Variants in PSG2 observed in about 807,000 individuals in gnomAD.
The protein encoded by PSG2 is pregnancy specific beta-1-glycoprotein 2.
Under a neutral mutation model 36.2 loss-of-function variants are expected in PSG2, and 49 were observed. That is an observed-to-expected ratio of 1.35 (90% CI 1.08 to 1.72). The LOEUF is 1.72. PSG2 is among the 40% of genes most tolerant of loss of function. PSG2 has a pLI of 0.00. For missense variants in PSG2, 605 were observed against 407.2 expected (o/e 1.49, Z -4.18); for synonymous variants, 261 against 155.6 (o/e 1.68, Z -5.04).
At chr19:43,070,240 C>T (rs971186608) in intron 4 of PSG2, among the ~76,000 whole-genome samples, 1 of 151,612 alleles carries the variant, frequency 6.6e-6, no homozygotes, top group Non-Finnish European at 1.5e-5. Context: ...AGCTCTAGTG[C>T]ATTGCTGATG....
intron 4 of PSG2, among the ~76,000 whole-genome samples, chr19:43,070,041 T>C (rs1175171006): frequency 1.3e-5 from 2 of 151,678 alleles, no homozygotes; most frequent in Non-Finnish European, 2.9e-5. Flanking sequence ...AAATGGAGTT[T>C]TCTCCAAGGA....
intron 3 of PSG2, among the ~76,000 whole-genome samples, chr19:43,072,869 G>C (rs970148270): frequency 6.6e-6 from 1 of 151,650 alleles, no homozygotes; most frequent in Non-Finnish European, 1.5e-5. Flanking sequence ...CAGCAGTGTT[G>C]GGTCATGGAC....
chr19:43,073,409 A>T (rs1785923519), intron 3 of PSG2, among the ~76,000 whole-genome samples: 1 of 151,738 alleles, frequency 6.6e-6, no homozygotes, highest in African/African-American at 2.4e-5. Context: ...GGTGAGGACC[A>T]TGTGGATCTT....
Position 43,082,649 on chromosome 19 carries a change from G to T in PSG2, c.-80C>A. 11 of 1,572,282 alleles carry T rather than the reference G, an allele frequency of 7.0e-6. No individual in the cohort carries two copies. The highest frequency in any genetic ancestry group is 8.7e-6 in the Non-Finnish European group (10 of 1,150,420). On this transcript the variant is annotated 5_prime_UTR_variant, in exon 1 of 6. Transcript: ENST00000406487. ...CTTCCTGAGCACGGCTGTCAGCTGT[G>T]CTGTCCTTCCTCCTTCTGCACTGAG...
At chr19:43,074,950 C>G (rs1049144399) in intron 3 of PSG2, among the ~76,000 whole-genome samples, 1 of 151,520 alleles carries the variant, frequency 6.6e-6, no homozygotes, top group Non-Finnish European at 1.5e-5. Context: ...GGCATCCAGG[C>G]CATCTGGAGC....
chr19:43,071,666 A>C (rs1967817595), intron 4 of PSG2, 34 bp downstream of exon 4: 1 of 1,612,604 alleles, frequency 6.2e-7, no homozygotes, highest in Non-Finnish European at 8.5e-7. Context: ...CTCCACCTAA[A>C]ACCCTACTGC....
At chr19:43,072,076 C>T in intron 3 of PSG2, 122 bp from the exon 4 acceptor site, 1 of 1,441,098 alleles carries the variant, frequency 6.9e-7, no homozygotes, top group Non-Finnish European at 9.4e-7. Flanking sequence ...AGCAAAACCC[C>T]CTCTATGTTC....
intron 4 of PSG2, among the ~76,000 whole-genome samples, chr19:43,071,190 A>G (rs8112185): frequency 0.76 from 115,345 of 151,324 alleles, 44,933 homozygotes; most frequent in East Asian, 0.99. Context: ...GTGGAGTCAA[A>G]CAGGGCCAGT....
intron 4 of PSG2, among the ~76,000 whole-genome samples, chr19:43,070,168 TAAAC>T (rs748237738): frequency 6.6e-6 from 1 of 151,520 alleles, no homozygotes; most frequent in Non-Finnish European, 1.5e-5. Context: ...ATGGCTTTGA[TAAAC>T]AACAACAATG....
chr19:43,075,654 G>T (rs752553773), intron 2 of PSG2, 22 bp from the exon 3 acceptor site: 3 of 1,603,868 alleles, frequency 1.9e-6, no homozygotes, highest in Non-Finnish European at 2.6e-6. Flanking sequence ...ACAGAGAGAA[G>T]ATTGCCCTGT....
At chr19:43,071,147 G>A (rs1599706078) in intron 4 of PSG2, among the ~76,000 whole-genome samples, 1 of 151,466 alleles carries the variant, frequency 6.6e-6, no homozygotes. Context: ...GTCCACAAGG[G>A]GTCTTTCTCC....
chr19:43,072,419 G>A, intron 3 of PSG2: 3 of 1,612,438 alleles, frequency 1.9e-6, no homozygotes, highest in Non-Finnish European at 1.7e-6. Context: ...ACATTCATAG[G>A]GTCCTGTTTC....
At chr19:43,075,200 T>C (rs866017538) in intron 3 of PSG2, among the ~76,000 whole-genome samples, 154 bp downstream of exon 3, 17 of 151,756 alleles carry the variant, frequency 1.1e-4, no homozygotes, top group East Asian at 5.8e-4. Context: ...CCTAGGCCTA[T>C]TCTGGTTTGC....
chr19:43,068,467 AAAGAAAG>A (rs1210928555), intron 4 of PSG2, among the ~76,000 whole-genome samples: 13,146 of 134,060 alleles, frequency 0.098, 661 homozygotes, highest in African/African-American at 0.17. Flanking sequence ...AAAAAAAAAA[AAAGAAAG>A]AAAGAAAGAA....
intron 2 of PSG2, among the ~76,000 whole-genome samples, chr19:43,078,511 C>T (rs1337820902): frequency 6.6e-6 from 1 of 151,648 alleles, no homozygotes; most frequent in Non-Finnish European, 1.5e-5. Context: ...CTGACCTCAT[C>T]CATACCTATG....
rs770967454 is a variant in PSG2 at position 43,066,713 on chromosome 19, A to G, written c.965-113T>C. The G allele has an allele frequency of 1.9e-4, 266 of 1,380,520 alleles. 2 individuals are homozygous for G. The highest frequency in any genetic ancestry group is 2.3e-4 in the Non-Finnish European group (234 of 995,810). 85.5% of individuals were successfully genotyped at this position (1,380,520 alleles called of 1,614,324 possible). On this transcript the variant is annotated intron_variant, in intron 4 of 5. Coordinates refer to ENST00000406487, the MANE Select transcript of PSG2 (RefSeq NM_031246.4). ...CTCTATAATTGTTTCTTCAAGGACC[A>G]CATTATTTCTCTTGGAATATTGATG...
intron 2 of PSG2, among the ~76,000 whole-genome samples, chr19:43,079,914 T>A (rs917373219): frequency 6.6e-6 from 1 of 151,666 alleles, no homozygotes. Flanking sequence ...CTCCCCTTTG[T>A]GTTGGTGTGA....
chr19:43,073,980 T>C (rs1440006507), intron 3 of PSG2, among the ~76,000 whole-genome samples: 2 of 151,684 alleles, frequency 1.3e-5, no homozygotes, highest in Non-Finnish European at 1.5e-5. Context: ...CCAAAGATAT[T>C]CTTGCCCTTT....
At position 43,071,861 on chromosome 19, in the gene PSG2, G is replaced by A. The variant is rs149747966; in HGVS notation, c.803C>T (p.Pro268Leu). ...YLSCFANSNPPAQYSWTINGK... is the reference protein window; with the variant it reads ...YLSCFANSNPLAQYSWTINGK... ...ATTAATTGTCCAAGAATACTGTGCC[G>A]GTGGGTTAGAGTTCGCGAAGCAAGA... Residue 268 changes from proline to leucine, a missense_variant, in exon 4 of 6, where the codon CCG becomes CTG. By Grantham distance (98) the Pro-to-Leu change is moderately conservative (BLOSUM62 -3). Transcript: ENST00000406487. The A allele has an allele frequency of 4.5e-5, 73 of 1,613,090 alleles. No individual in the cohort carries two copies. In the African/African-American group the frequency reaches 5.5e-4, roughly 12 times the overall value.
Sources: gnomAD v4.1 joint callset for allele counts (sites outside exome capture counted in the v4.1 genomes callset) on GRCh38, gnomAD v4.1.1 for gene constraint, MANE v1.5 for transcripts, NCBI Gene and HGNC (gene_info 2026-07-23, HGNC 2026-07-21) for gene names.